ABCA8: variants seen among roughly 807,000 people sequenced by gnomAD.
ABCA8 encodes the protein ATP binding cassette subfamily A member 8, also known as ABC-type organic anion transporter ABCA8.
ABCA8 carries 177 observed loss-of-function variants against 192.3 expected under a neutral mutation model. The observed-to-expected ratio is 0.92, with a 90% CI of 0.81 to 1.04. The LOEUF is 1.04. Ranked by LOEUF, ABCA8 falls within the 50% of genes least tolerant of loss-of-function variation. The pLI, the probability that ABCA8 is intolerant of heterozygous loss-of-function variation, is 0.00. For missense variants in ABCA8, 1,915 were observed against 1,904.8 expected (o/e 1.01, Z -0.10); for synonymous variants, 642 against 690.2 (o/e 0.93, Z 1.09).
At chr17:68,934,262 A>G (rs2067991498) in intron 5 of ABCA8, among the ~76,000 whole-genome samples, 1 of 152,056 alleles carries the variant, frequency 6.6e-6, no homozygotes, top group African/African-American at 2.4e-5. Context: ...TCTCCTGTTG[A>G]TAACAATTTG....
chr17:68,893,604 G>A (rs536377799), intron 23 of ABCA8, among the ~76,000 whole-genome samples: 17 of 138,578 alleles, frequency 1.2e-4, no homozygotes, highest in African/African-American at 3.3e-4. Context: ...TCATTCATTC[G>A]TTCATTCCTT....
chr17:68,893,980 T>G, intron 23 of ABCA8, 193 bp downstream of exon 23: 1 of 555,734 alleles, frequency 1.8e-6, no homozygotes, highest in East Asian at 3.6e-5. Flanking sequence ...TTTGTTCATT[T>G]TATTTTACTT....
At chr17:68,924,575 A>T in intron 11 of ABCA8, 126 bp downstream of exon 11, 1 of 997,184 alleles carries the variant, frequency 1.0e-6, no homozygotes. Flanking sequence ...GGAAAGTGAC[A>T]GAAGCAGCAT....
At chr17:68,948,617 T>C (rs2068481981) in intron 2 of ABCA8, among the ~76,000 whole-genome samples, 1 of 152,120 alleles carries the variant, frequency 6.6e-6, no homozygotes, top group Admixed American at 6.6e-5. Context: ...ATTTGTTTAA[T>C]TTCCTTGTAG....
chr17:68,944,778 C>T (rs980125243), intron 2 of ABCA8: 1 of 152,188 alleles, frequency 6.6e-6, no homozygotes, highest in African/African-American at 2.4e-5. Flanking sequence ...AGTTCCCATT[C>T]CCAAGCAAAG....
At chr17:68,943,448 C>T (rs944463378) in intron 2 of ABCA8, among the ~76,000 whole-genome samples, 1 of 152,180 alleles carries the variant, frequency 6.6e-6, no homozygotes, top group Non-Finnish European at 1.5e-5. Flanking sequence ...TCCACATTCT[C>T]ATCTATAACC....
At chr17:68,941,852 G>A (rs1035420417) in intron 3 of ABCA8, 87 bp downstream of exon 3, 4 of 868,920 alleles carry the variant, frequency 4.6e-6, no homozygotes, top group East Asian at 2.5e-5. Context: ...TGTATGTGTC[G>A]GGGGAGATAC....
chr17:68,915,263 G>T (rs1394212668), intron 17 of ABCA8, among the ~76,000 whole-genome samples: 1 of 151,986 alleles, frequency 6.6e-6, no homozygotes, highest in African/African-American at 2.4e-5. Context: ...GGTGACTAAA[G>T]CTAAAATGGA....
intron 29 of ABCA8, 68 bp from the exon 30 acceptor site, chr17:68,882,787 TA>T (rs2066367531): frequency 6.6e-7 from 1 of 1,505,906 alleles, no homozygotes; most frequent in Admixed American, 1.8e-5. Context: ...TTGCATTATT[TA>T]AAGCATATGT....
At chr17:68,891,693 C>T in intron 23 of ABCA8, 97 bp from the exon 24 acceptor site, 1 of 861,806 alleles carries the variant, frequency 1.2e-6, no homozygotes, top group South Asian at 1.6e-5. Flanking sequence ...TTACATAATT[C>T]TGCCTTAGGT....
chr17:68,935,180 T>C (rs2165839), intron 5 of ABCA8, among the ~76,000 whole-genome samples: 88,435 of 149,276 alleles, frequency 0.59, 27,103 homozygotes, highest in African/African-American at 0.73. Context: ...CTGCAAGCTC[T>C]GCCTCCCAAG....
intron 37 of ABCA8, among the ~76,000 whole-genome samples, chr17:68,871,702 G>A (rs1298542804): frequency 6.6e-6 from 1 of 152,048 alleles, no homozygotes; most frequent in African/African-American, 2.4e-5. Flanking sequence ...GACCCCGTAA[G>A]CTTATAATGG....
chr17:68,887,555 G>A, intron 24 of ABCA8, 49 bp from the exon 25 acceptor site: 5 of 1,483,808 alleles, frequency 3.4e-6, no homozygotes, highest in Non-Finnish European at 4.6e-6. Flanking sequence ...AAGAATATGT[G>A]GATTATGCAA....
chr17:68,918,222 A>C, intron 15 of ABCA8, 37 bp from the exon 16 acceptor site: 5 of 1,610,836 alleles, frequency 3.1e-6, no homozygotes, highest in Non-Finnish European at 4.2e-6. Flanking sequence ...GGTTTTCCTC[A>C]AAGGTGAAGT....
chr17:68,875,599 A>G lies in ABCA8; in HGVS notation c.4490+15T>C, dbSNP rs781127157. On this transcript the variant is annotated intron_variant, in intron 36 of 39. Transcript: ENST00000586539. The stretch of plus-strand genomic sequence containing the variant: ...GCACCTTGGGCTCAAGTGTGGGTCC[A>G]GGACAGGCACTCACCTCAACCTCCC... 6.2e-7 allele frequency: 1 copy of G among 1,612,864 alleles called. No individual in the cohort carries two copies. Among genetic ancestry groups the G allele is most frequent in the South Asian group, 1.1e-5 (1 of 90,854 alleles).
chr17:68,899,609 G>T (rs2066856199), intron 21 of ABCA8, among the ~76,000 whole-genome samples: 2 of 152,162 alleles, frequency 1.3e-5, no homozygotes, highest in South Asian at 2.1e-4. Context: ...AAATAGCACT[G>T]AAAAGTGAAA....
chr17:68,868,280 G>C, intron 39 of ABCA8, 21 bp downstream of exon 39: 1 of 1,611,838 alleles, frequency 6.2e-7, no homozygotes. Context: ...TGGATGATAC[G>C]AATCCCTAAA....
At position 68,903,463 on chromosome 17, in the gene ABCA8, G is replaced by A; in HGVS notation, c.2435C>T (p.Ala812Val). ...CTCAACAAGCCTTTCAGTGTCGTCA[G>A]CTTTTTCCGCTTGTACTTCTCCCAA... ...AILGEVQAEK[A>V]DDTERLVEME... The change falls in exon 20 of 40, where the codon GCT (alanine) becomes GTT (valine). Residue 812 changes from alanine (A) to valine (V), a missense_variant. Ala to Val is a moderately conservative substitution (Grantham distance 64). Transcript: ENST00000586539. 6.2e-7 allele frequency: 1 copy of A among 1,614,070 alleles called. No individual in the cohort carries two copies. The highest frequency in any genetic ancestry group is 8.5e-7 in the Non-Finnish European group (1 of 1,180,016).
intron 1 of ABCA8, among the ~76,000 whole-genome samples, chr17:68,952,448 G>A (rs915618778): frequency 3.3e-5 from 5 of 152,228 alleles, no homozygotes; most frequent in Middle Eastern, 3.4e-3. Context: ...TCGATCTCCT[G>A]ACCTTGTGAT....
Sources: gnomAD v4.1 joint callset for allele counts (sites outside exome capture counted in the v4.1 genomes callset) on GRCh38, gnomAD v4.1.1 for gene constraint, MANE v1.5 for transcripts, NCBI Gene and HGNC (gene_info 2026-07-23, HGNC 2026-07-21) for gene names.